The following CRB1 variants were observed in gnomAD, a reference collection of about 807,000 sequenced individuals.
CRB1 encodes crumbs cell polarity complex component 1, also known as protein crumbs homolog 1.
CRB1 carries 83 observed loss-of-function variants against 120.0 expected under a neutral mutation model. That is an observed-to-expected ratio of 0.69 (90% CI 0.58 to 0.83). The LOEUF is 0.83. Among genes scored for constraint, CRB1 ranks in the 40% least tolerant of loss-of-function variants. The probability of loss-of-function intolerance (pLI) is 0.00; values close to 1 mark genes in which losing one functional copy is unlikely to be tolerated. For missense variants in CRB1, 1,699 were observed against 1,687.6 expected (o/e 1.01, Z -0.12); for synonymous variants, 625 against 612.5 (o/e 1.02, Z -0.30).
intron 1 of CRB1, among the ~76,000 whole-genome samples, chr1:197,288,887 C>T (rs1280102851): frequency 6.6e-6 from 1 of 151,426 alleles, no homozygotes; most frequent in African/African-American, 2.4e-5. Context: ...ATTGGACTCC[C>T]TGAAAAAGAG....
the CRB1 span, among the ~76,000 whole-genome samples, chr1:197,255,963 T>TTTTA: frequency 3.0e-5 from 1 of 33,284 alleles, no homozygotes; most frequent in Non-Finnish European, 6.2e-5. Flanking sequence ...ATATAGAACA[T>TTTTA]TTTATATATA....
intron 11 of CRB1, among the ~76,000 whole-genome samples, chr1:197,454,297 A>G (rs1238010444): frequency 1.3e-5 from 2 of 152,250 alleles, no homozygotes; most frequent in East Asian, 3.9e-4. Flanking sequence ...ACAGAATTTA[A>G]AATACTTCAA....
At chr1:197,233,021 A>G in the CRB1 span, among the ~76,000 whole-genome samples, 1 of 151,924 alleles carries the variant, frequency 6.6e-6, no homozygotes, top group Non-Finnish European at 1.5e-5. Flanking sequence ...AAATGGGCAT[A>G]CTTGATAGTT....
At chr1:197,360,818 G>A (rs1425513888) in intron 5 of CRB1, among the ~76,000 whole-genome samples, 2 of 152,184 alleles carry the variant, frequency 1.3e-5, no homozygotes, top group Non-Finnish European at 1.5e-5. Flanking sequence ...TGTTGAGTAC[G>A]AGTTGTGAGA....
intron 5 of CRB1, among the ~76,000 whole-genome samples, chr1:197,395,013 G>A (rs1662702046): frequency 6.6e-6 from 1 of 152,046 alleles, no homozygotes; most frequent in Non-Finnish European, 1.5e-5. Flanking sequence ...CCATATGGTT[G>A]GCATAGTAAC....
chr1:197,233,282 G>C, the CRB1 span, among the ~76,000 whole-genome samples: 1 of 152,278 alleles, frequency 6.6e-6, no homozygotes, highest in African/African-American at 2.4e-5. Context: ...AATGAAAATA[G>C]ATACTATAAA....
the CRB1 span, among the ~76,000 whole-genome samples, chr1:197,238,278 TGAA>T: frequency 6.6e-6 from 1 of 152,158 alleles, no homozygotes; most frequent in Non-Finnish European, 1.5e-5. Flanking sequence ...TAGAAACAAA[TGAA>T]GACAAATAAA....
intron 11 of CRB1, among the ~76,000 whole-genome samples, chr1:197,456,605 T>C (rs1007236570): frequency 1.3e-5 from 2 of 152,110 alleles, no homozygotes; most frequent in East Asian, 3.9e-4. Flanking sequence ...AACATTTCCA[T>C]CTAAGAACCC....
At chr1:197,367,855 C>T (rs1305157085) in intron 5 of CRB1, among the ~76,000 whole-genome samples, 2 of 152,180 alleles carry the variant, frequency 1.3e-5, no homozygotes, top group Non-Finnish European at 2.9e-5. Flanking sequence ...CTATGAAGTC[C>T]TGGCTTCAAA....
At chr1:197,468,695 A>T (rs868259639) in intron 11 of CRB1, among the ~76,000 whole-genome samples, 67 of 152,302 alleles carry the variant, frequency 4.4e-4, no homozygotes, top group South Asian at 2.3e-3. Context: ...CTCACATTGA[A>T]CAACAGCTAC....
At chr1:197,274,733 C>G (rs1460613877) in intron 1 of CRB1, among the ~76,000 whole-genome samples, 1 of 152,102 alleles carries the variant, frequency 6.6e-6, no homozygotes, top group Non-Finnish European at 1.5e-5. Context: ...TTTATTTAAG[C>G]TTCCTCCATG....
At chr1:197,387,829 C>T (rs1180082671) in intron 5 of CRB1, among the ~76,000 whole-genome samples, 3 of 151,672 alleles carry the variant, frequency 2.0e-5, no homozygotes, top group Non-Finnish European at 2.9e-5. Flanking sequence ...AACACAAAAG[C>T]GTGGGGAGGC....
At position 197,435,127 on chromosome 1, in the gene CRB1, C is replaced by G; in HGVS notation, c.3264C>G (p.Asp1088Glu). ...TDIYVGDRAI[D>E]NIKGLQGCLS... ...TTTATGTGGGAGACAGAGCTATTGA[C>G]AATATAAAGGGCCTGCAAGGGTGTC... The change falls in exon 9 of 12, where the codon GAC becomes GAG. Residue 1088 changes from aspartate (D) to glutamate (E), a missense_variant. Asp to Glu is a conservative substitution (Grantham distance 45). Coordinates refer to ENST00000367400, the MANE Select transcript of CRB1 (RefSeq NM_201253.3). 1 of 1,613,860 alleles carries G rather than the reference C, an allele frequency of 6.2e-7. No individual in the cohort carries two copies.
chr1:197,478,060 A>C lies in CRB1; in HGVS notation c.*181A>C, dbSNP rs570327913. 28 of 664,808 alleles carry C rather than the reference A, an allele frequency of 4.2e-5. 1 individual carries two copies. In the South Asian group the frequency reaches 4.8e-4, roughly 12 times the overall value. The allele number at this position is 664,808 out of a possible 1,614,324, so 41.2% of individuals were successfully genotyped here. Reference sequence around the variant, plus strand: ...TGGTTCCGCTCGACACCATTGTTTTATTATATTATATCAGCCAATTGCAAA... The same window carrying C: ...TGGTTCCGCTCGACACCATTGTTTTCTTATATTATATCAGCCAATTGCAAA... On this transcript the variant is annotated 3_prime_UTR_variant, in exon 12 of 12. Transcript: ENST00000367400.
At chr1:197,474,844 A>G (rs1302630821) in intron 11 of CRB1, among the ~76,000 whole-genome samples, 2 of 152,056 alleles carry the variant, frequency 1.3e-5, no homozygotes, top group African/African-American at 4.8e-5. Context: ...AAGAGTGTGC[A>G]TTTTCTAAAG....
At chr1:197,326,693 G>A in intron 1 of CRB1, among the ~76,000 whole-genome samples, 1 of 151,690 alleles carries the variant, frequency 6.6e-6, no homozygotes, top group East Asian at 1.9e-4. Context: ...ATATTTTCTT[G>A]CAAAAAACAA....
rs558894691 is a variant in CRB1, at chr1:197,350,340, T to C, written c.988+2861T>C. Among the ~76,000 whole-genome samples the C allele has an allele frequency of 1.2e-3, 186 of 152,284 alleles. 1 individual carries two copies. Among genetic ancestry groups the C allele is most frequent in the African/African-American group, 4.3e-3 (178 of 41,544 alleles). ...AAATACTTTACTTGTAGTATTATTATGAAAAGTAAAATTGTAAAAATAGAG... is the reference window on the plus strand; with the variant it reads ...AAATACTTTACTTGTAGTATTATTACGAAAAGTAAAATTGTAAAAATAGAG... On this transcript the variant is annotated intron_variant, in intron 4 of 11. Transcript: ENST00000367400.
chr1:197,283,425 G>A (rs1389364050), intron 1 of CRB1, among the ~76,000 whole-genome samples: 1 of 151,574 alleles, frequency 6.6e-6, no homozygotes, highest in Non-Finnish European at 1.5e-5. Context: ...CCCAAAGTCC[G>A]TTGTATCATT....
chr1:197,357,102 G>A (rs1195090245), intron 5 of CRB1, 89 bp downstream of exon 5: 2 of 1,323,868 alleles, frequency 1.5e-6, no homozygotes, highest in South Asian at 1.2e-5. Context: ...AGCAGGAAGA[G>A]CTGTACTGTG....
Sources: gnomAD v4.1 joint callset for allele counts (sites outside exome capture counted in the v4.1 genomes callset) on GRCh38, gnomAD v4.1.1 for gene constraint, MANE v1.5 for transcripts, NCBI Gene and HGNC (gene_info 2026-07-23, HGNC 2026-07-21) for gene names.